The following CCDC148 variants were observed in gnomAD, a reference collection of about 807,000 sequenced individuals.
The protein encoded by CCDC148 is coiled-coil domain-containing protein 148.
A neutral mutation model predicts 85.7 loss-of-function variants in CCDC148; 89 were observed. The observed-to-expected ratio is 1.04, with a 90% confidence interval of 0.87 to 1.24. The LOEUF (loss-of-function observed/expected upper bound fraction) is 1.24, where lower values mean the gene tolerates loss of function less well. Among genes scored for constraint, CCDC148 ranks in the 50% most tolerant of loss-of-function variants. The probability of loss-of-function intolerance (pLI) is 0.00; values close to 1 mark genes in which losing one functional copy is unlikely to be tolerated. For synonymous variants in CCDC148, 230 were observed against 213.9 expected (o/e 1.08, Z -0.66); for missense variants, 692 against 671.7 (o/e 1.03, Z -0.33).
chr2:158,369,171 T>A (rs115026275), intron 1 of CCDC148, among the ~76,000 whole-genome samples: 1 of 152,100 alleles, frequency 6.6e-6, no homozygotes, highest in South Asian at 2.1e-4. Context: ...TTTTGTTCCA[T>A]ATAAAGTTTA....
intron 10 of CCDC148, among the ~76,000 whole-genome samples, chr2:158,242,344 A>T (rs1688383177): frequency 6.6e-6 from 1 of 152,182 alleles, no homozygotes; most frequent in South Asian, 2.1e-4. Context: ...AATAAAAGTA[A>T]CAATTAGAAC....
At chr2:158,265,338 T>C (rs1176451269) in intron 9 of CCDC148, among the ~76,000 whole-genome samples, 2 of 152,148 alleles carry the variant, frequency 1.3e-5, no homozygotes, top group Non-Finnish European at 2.9e-5. Context: ...CATCATTATG[T>C]GCAAATGTCT....
chr2:158,279,721 A>T (rs1349590316), intron 9 of CCDC148, among the ~76,000 whole-genome samples: 1 of 152,192 alleles, frequency 6.6e-6, no homozygotes, highest in African/African-American at 2.4e-5. Context: ...TATCCAGGAG[A>T]ACTTCCCCAA....
chr2:158,388,377 A>T (rs1008364930), intron 1 of CCDC148, among the ~76,000 whole-genome samples: 1 of 152,236 alleles, frequency 6.6e-6, no homozygotes, highest in South Asian at 2.1e-4. Context: ...AAAGGGTCAC[A>T]GTACTCAAGA....
intron 2 of CCDC148, among the ~76,000 whole-genome samples, chr2:158,353,151 G>C (rs1683415915): frequency 1.4e-5 from 2 of 144,936 alleles, no homozygotes; most frequent in Non-Finnish European, 3.0e-5. Context: ...ATCGAGACTA[G>C]GAAGAAACTG....
intron 1 of CCDC148, among the ~76,000 whole-genome samples, chr2:158,433,091 A>AATATATAT (rs1553521584): frequency 6.8e-4 from 35 of 51,330 alleles, no homozygotes; most frequent in Middle Eastern, 0.016. Flanking sequence ...AAAAAAAAAA[A>AATATATAT]ATATATATAT....
chr2:158,427,183 C>T (rs1184230059), intron 1 of CCDC148, among the ~76,000 whole-genome samples: 1 of 152,058 alleles, frequency 6.6e-6, no homozygotes, highest in Admixed American at 6.6e-5. Flanking sequence ...AATAGTCATT[C>T]AGAACAGATG....
intron 11 of CCDC148, among the ~76,000 whole-genome samples, chr2:158,194,783 TGA>T (rs1293187954): frequency 6.6e-6 from 1 of 152,138 alleles, no homozygotes; most frequent in Non-Finnish European, 1.5e-5. Flanking sequence ...GGTAATATAT[TGA>T]AATGCCTGGT....
intron 11 of CCDC148, among the ~76,000 whole-genome samples, chr2:158,205,372 C>G (rs1481429102): frequency 6.6e-6 from 1 of 152,100 alleles, no homozygotes; most frequent in African/African-American, 2.4e-5. Context: ...ATGAATATCT[C>G]TATCTGAGGC....
At chr2:158,446,871 G>T (rs1160728476) in intron 1 of CCDC148, among the ~76,000 whole-genome samples, 1 of 152,076 alleles carries the variant, frequency 6.6e-6, no homozygotes, top group Non-Finnish European at 1.5e-5. Flanking sequence ...TACAAATGAG[G>T]CCTCTTGTCT....
chr2:158,429,281 A>G (rs1687222415), intron 1 of CCDC148, among the ~76,000 whole-genome samples: 1 of 152,108 alleles, frequency 6.6e-6, no homozygotes. Context: ...AACTTAAAGT[A>G]TAATAATAAT....
chr2:158,350,915 CT>C (rs1338880585), intron 2 of CCDC148, among the ~76,000 whole-genome samples: 1 of 152,126 alleles, frequency 6.6e-6, no homozygotes, highest in Non-Finnish European at 1.5e-5. Context: ...AGCCTCTCTT[CT>C]GTTTTGTAAT....
intron 12 of CCDC148, among the ~76,000 whole-genome samples, chr2:158,177,352 A>T (rs530801520): frequency 6.6e-6 from 1 of 152,244 alleles, no homozygotes; most frequent in Admixed American, 6.5e-5. Flanking sequence ...CCTGCCTATT[A>T]ATTCTGAAAG....
intron 10 of CCDC148, among the ~76,000 whole-genome samples, chr2:158,221,849 C>CG (rs1687200220): frequency 6.6e-6 from 1 of 151,712 alleles, no homozygotes; most frequent in Non-Finnish European, 1.5e-5. Context: ...TTAGAGAGAA[C>CG]AGAGATAAAG....
chr2:158,174,792 T>C (rs2105256715), intron 13 of CCDC148, among the ~76,000 whole-genome samples: 1 of 152,154 alleles, frequency 6.6e-6, no homozygotes, highest in African/African-American at 2.4e-5. Flanking sequence ...AGGAAATGCA[T>C]TGTGCTATGA....
At chr2:158,302,732 C>T (rs939753317) in intron 9 of CCDC148, among the ~76,000 whole-genome samples, 1 of 150,900 alleles carries the variant, frequency 6.6e-6, no homozygotes, top group South Asian at 2.1e-4. Flanking sequence ...TGCAGTGAGC[C>T]GAGATCGTGC....
chr2:158,199,847 T>A (rs1456417862), intron 11 of CCDC148, among the ~76,000 whole-genome samples: 1 of 152,214 alleles, frequency 6.6e-6, no homozygotes, highest in African/African-American at 2.4e-5. Flanking sequence ...TTGTGTCTCA[T>A]GATAATTAAA....
intron 9 of CCDC148, among the ~76,000 whole-genome samples, chr2:158,258,213 T>C (rs951396663): frequency 3.3e-5 from 5 of 151,914 alleles, no homozygotes; most frequent in Non-Finnish European, 7.4e-5. Context: ...TGTGTGTTCA[T>C]TTGTGATGTA....
At chr2:158,320,776 C>T (rs1692485525) in intron 7 of CCDC148, among the ~76,000 whole-genome samples, 1 of 152,042 alleles carries the variant, frequency 6.6e-6, no homozygotes, top group Non-Finnish European at 1.5e-5. Flanking sequence ...AAATGATTTT[C>T]ACCTCTTCAT....
Sources: allele counts gnomAD v4.1 joint callset (sites outside exome capture counted in the v4.1 genomes callset), GRCh38; gene constraint gnomAD v4.1.1; transcripts MANE v1.5; gene names NCBI Gene and HGNC (gene_info 2026-07-23, HGNC 2026-07-21).